Variants in ZFAND6 observed in about 807,000 individuals in gnomAD.
ZFAND6 encodes zinc finger AN1-type containing 6.
Under a neutral mutation model 24.5 loss-of-function variants are expected in ZFAND6, and 12 were observed. The ratio of observed to expected loss-of-function variants is 0.49; its 90% confidence interval spans 0.31 to 0.79. The LOEUF is 0.79. Among genes scored for constraint, ZFAND6 ranks in the 30% least tolerant of loss-of-function variants. ZFAND6 has a pLI of 0.04. For synonymous variants in ZFAND6, 92 were observed against 81.5 expected, an observed-to-expected ratio of 1.13 and a Z score of -0.69; for missense variants, 207 against 245.9, an observed-to-expected ratio of 0.84 and a Z score of 1.06.
chr15:80,123,025 T>C (rs917001815), intron 5 of ZFAND6: 31 of 435,530 alleles, frequency 7.1e-5, no homozygotes, highest in Admixed American at 3.9e-4. Flanking sequence ...TCAAAATTTG[T>C]TTAGTTTGGA....
At chr15:80,098,946 T>TA (rs1299788239) in intron 2 of ZFAND6, among the ~76,000 whole-genome samples, 1 of 151,876 alleles carries the variant, frequency 6.6e-6, no homozygotes, top group Non-Finnish European at 1.5e-5. Context: ...CAAACAACCA[T>TA]AAAAAAATTA....
intron 1 of ZFAND6, among the ~76,000 whole-genome samples, chr15:80,086,546 G>T (rs1403689819): frequency 6.6e-6 from 1 of 152,098 alleles, no homozygotes; most frequent in Non-Finnish European, 1.5e-5. Context: ...GTAACCTATA[G>T]ATTTGCCCTT....
chr15:80,087,193 C>T (rs2038057880), intron 1 of ZFAND6, among the ~76,000 whole-genome samples: 2 of 152,148 alleles, frequency 1.3e-5, no homozygotes, highest in Admixed American at 1.3e-4. Flanking sequence ...ATTTCTAGGT[C>T]TTAGGATAAT....
At chr15:80,128,367 G>A (rs1023210239) in intron 5 of ZFAND6, among the ~76,000 whole-genome samples, 1 of 152,200 alleles carries the variant, frequency 6.6e-6, no homozygotes, top group African/African-American at 2.4e-5. Flanking sequence ...GCTTTTGCTG[G>A]AGGATGACTT....
rs1338578954 is a variant in ZFAND6, at chr15:80,121,596, A to G, written c.155-116A>G. 9 of 697,934 alleles carry G rather than the reference A, an allele frequency of 1.3e-5. No individual in the cohort carries two copies. In the South Asian group the frequency reaches 3.1e-4, roughly 24 times the overall value. 43.2% of individuals were successfully genotyped at this position (697,934 alleles called of 1,614,324 possible). On this transcript the variant is annotated intron_variant, in intron 3 of 6. Coordinates refer to ENST00000261749, the MANE Select transcript of ZFAND6 (RefSeq NM_019006.4). ...AAAATAATGAACCAACATACTACAT[A>G]TTAAAAGAAAACCTCTATACTGTGT...
rs1425478239 is a variant in ZFAND6 at position 80,121,729 on chromosome 15, C to A, written c.172C>A (p.Leu58Met). ...ISPPATSVSSLSESLPVQCTD... is the reference protein window; with the variant it reads ...ISPPATSVSSMSESLPVQCTD... ...TGTTACAGCAACCTCTGTCAGTAGTCTGTCTGAATCTTTACCAGTTCAATG... is the reference window on the plus strand; with the variant it reads ...TGTTACAGCAACCTCTGTCAGTAGTATGTCTGAATCTTTACCAGTTCAATG... The change falls in exon 4 of 7, where the codon CTG (leucine) becomes ATG (methionine). Residue 58 changes from leucine to methionine, a missense_variant. Leu to Met is a conservative substitution (Grantham distance 15, BLOSUM62 2). Transcript: ENST00000261749. The A allele has an allele frequency of 5.0e-6, 8 of 1,613,648 alleles. No individual in the cohort carries two copies. In the African/African-American group the frequency reaches 8.0e-5, roughly 16 times the overall value.
chr15:80,067,090 C>G (rs991668474), intron 1 of ZFAND6, among the ~76,000 whole-genome samples: 3 of 152,092 alleles, frequency 2.0e-5, no homozygotes, highest in Non-Finnish European at 4.4e-5. Flanking sequence ...AAGTGCTTGA[C>G]TTGACTTTGA....
intron 1 of ZFAND6, among the ~76,000 whole-genome samples, chr15:80,084,905 C>T (rs1445189176): frequency 1.3e-5 from 2 of 152,160 alleles, no homozygotes; most frequent in Admixed American, 6.5e-5. Context: ...ATTTTTAAGT[C>T]GGTTAATCCT....
intron 1 of ZFAND6, among the ~76,000 whole-genome samples, chr15:80,088,579 C>T (rs566209640): frequency 2.0e-5 from 3 of 152,122 alleles, no homozygotes; most frequent in Admixed American, 6.6e-5. Context: ...AAGAAAAAAA[C>T]GACTTCGTCC....
intron 5 of ZFAND6, among the ~76,000 whole-genome samples, chr15:80,124,123 A>G (rs898677748): frequency 3.3e-5 from 5 of 152,362 alleles, no homozygotes; most frequent in African/African-American, 1.2e-4. Flanking sequence ...AAGGGCAGAA[A>G]TGAGGAATCT....
At chr15:80,092,639 C>T (rs2038454446) in intron 1 of ZFAND6, among the ~76,000 whole-genome samples, 1 of 152,052 alleles carries the variant, frequency 6.6e-6, no homozygotes, top group African/African-American at 2.4e-5. Context: ...CATTTTGTAT[C>T]CCTCAAGGCT....
At position 80,108,551 on chromosome 15, in the gene ZFAND6, G is replaced by A. The variant is rs576769205; in HGVS notation, c.-18+9973G>A. Among the ~76,000 whole-genome samples the A allele has an allele frequency of 1.5e-4, 23 of 152,214 alleles. No individual in the cohort carries two copies. In the South Asian group the frequency reaches 4.8e-3, roughly 32 times the overall value. On this transcript the variant is annotated intron_variant, in intron 2 of 6. Coordinates refer to ENST00000261749, the MANE Select transcript of ZFAND6 (RefSeq NM_019006.4). ...TAAAAACTGTGCCTTGTTCTTTAAG[G>A]TATGTGATATGAAACCTAGGTCAGT...
chr15:80,095,637 C>G (rs1217691869), intron 1 of ZFAND6, among the ~76,000 whole-genome samples: 1 of 152,138 alleles, frequency 6.6e-6, no homozygotes, highest in Non-Finnish European at 1.5e-5. Context: ...TGTAGGAGCT[C>G]AGTACCATAG....
chr15:80,094,103 A>G (rs548632884), intron 1 of ZFAND6, among the ~76,000 whole-genome samples: 7 of 152,248 alleles, frequency 4.6e-5, no homozygotes, highest in Admixed American at 2.0e-4. Context: ...TCTTTTAGCT[A>G]TTTAGAATCC....
rs749566051 is a variant in ZFAND6 at position 80,131,366 on chromosome 15, T to TA, written c.478+73_478+74insA. On this transcript the variant is annotated intron_variant, in intron 6 of 6. Coordinates refer to ENST00000261749, the MANE Select transcript of ZFAND6 (RefSeq NM_019006.4). Reference sequence around the variant, plus strand: ...AATGCATAGCTTACTGTTGTTGACTTCAATTAAGATTGTTCCTGTTCCCTT... The same window carrying TA: ...AATGCATAGCTTACTGTTGTTGACTTACAATTAAGATTGTTCCTGTTCCCTT... 7 of 1,258,678 alleles carry TA rather than the reference T, an allele frequency of 5.6e-6. No homozygotes were observed. In the South Asian group the frequency reaches 9.9e-5, roughly 18 times the overall value. 78.0% of individuals were successfully genotyped at this position (1,258,678 alleles called of 1,614,324 possible).
chr15:80,137,856 T>G lies in ZFAND6; in HGVS notation c.*228T>G. 1 of 381,300 alleles carries G rather than the reference T, an allele frequency of 2.6e-6. No individual in the cohort carries two copies. 23.6% of individuals were successfully genotyped at this position (381,300 alleles called of 1,614,324 possible). On this transcript the variant is annotated 3_prime_UTR_variant, in exon 7 of 7. Coordinates refer to ENST00000261749, the MANE Select transcript of ZFAND6 (RefSeq NM_019006.4). ...ACAAGTATTATCCTTTTAAGATCAT[T>G]TTAATTTTAGTTGAGTGCAGAGGGC...
chr15:80,117,435 G>A (rs1485034579), intron 2 of ZFAND6, among the ~76,000 whole-genome samples: 1 of 152,124 alleles, frequency 6.6e-6, no homozygotes, highest in East Asian at 1.9e-4. Context: ...TCTTAGCCAG[G>A]ATGGCCTCTA....
chr15:80,119,058 T>G (rs2040027591), intron 2 of ZFAND6, among the ~76,000 whole-genome samples: 1 of 151,162 alleles, frequency 6.6e-6, no homozygotes, highest in Non-Finnish European at 1.5e-5. Context: ...AACCTTCACT[T>G]AGGAGATTGT....
intron 2 of ZFAND6, among the ~76,000 whole-genome samples, chr15:80,101,395 A>G (rs2039021167): frequency 6.6e-6 from 1 of 152,154 alleles, no homozygotes; most frequent in African/African-American, 2.4e-5. Context: ...CCCGGGAGGC[A>G]GAGGTTGCAC....
Sources: allele counts gnomAD v4.1 joint callset (sites outside exome capture counted in the v4.1 genomes callset), GRCh38; gene constraint gnomAD v4.1.1; transcripts MANE v1.5; gene names NCBI Gene and HGNC (gene_info 2026-07-23, HGNC 2026-07-21).